ZHX2: variants seen among roughly 807,000 people sequenced by gnomAD.
ZHX2 encodes zinc fingers and homeoboxes 2.
ZHX2 carries 6 observed loss-of-function variants against 21.9 expected under a neutral mutation model. That is an observed-to-expected ratio of 0.27 (90% CI 0.15 to 0.54). ZHX2 has a LOEUF of 0.54. Among genes scored for constraint, ZHX2 ranks in the 20% least tolerant of loss-of-function variants. ZHX2 has a pLI of 0.95. For missense variants in ZHX2, 908 were observed against 1,090.7 expected, an observed-to-expected ratio of 0.83 and a Z score of 2.36; for synonymous variants, 434 against 437.1, an observed-to-expected ratio of 0.99 and a Z score of 0.09.
intron 2 of ZHX2, among the ~76,000 whole-genome samples, chr8:122,917,876 C>A (rs1339488106): frequency 6.6e-6 from 1 of 152,194 alleles, no homozygotes; most frequent in African/African-American, 2.4e-5. Context: ...GCAGACATCA[C>A]CAGTCAATCA....
chr8:122,822,330 T>C (rs1386205309), intron 1 of ZHX2, among the ~76,000 whole-genome samples: 1 of 151,862 alleles, frequency 6.6e-6, no homozygotes, highest in Non-Finnish European at 1.5e-5. Context: ...ATCCCAGAGG[T>C]TGGAACCAAA....
chr8:122,912,695 G>T (rs1820511334), intron 2 of ZHX2, among the ~76,000 whole-genome samples: 1 of 152,138 alleles, frequency 6.6e-6, no homozygotes, highest in South Asian at 2.1e-4. Flanking sequence ...GAGGCTTAAA[G>T]AACCTAAGTG....
intron 1 of ZHX2, among the ~76,000 whole-genome samples, chr8:122,812,452 T>C (rs1563738769): frequency 6.6e-6 from 1 of 152,026 alleles, no homozygotes; most frequent in Non-Finnish European, 1.5e-5. Flanking sequence ...ATACCCAGAG[T>C]AGGGAAGCAA....
At chr8:122,946,039 C>T (rs1037429866) in intron 2 of ZHX2, among the ~76,000 whole-genome samples, 5 of 152,194 alleles carry the variant, frequency 3.3e-5, no homozygotes, top group Non-Finnish European at 7.3e-5. Context: ...GCAAGAACCA[C>T]GACTTGCAAC....
At chr8:122,850,639 CAAAAAA>C (rs60682747) in intron 1 of ZHX2, among the ~76,000 whole-genome samples, 1 of 114,184 alleles carries the variant, frequency 8.8e-6, no homozygotes, top group East Asian at 2.6e-4. Context: ...GACTCTGTCT[CAAAAAA>C]AAAAAAAAAA....
intron 3 of ZHX2, among the ~76,000 whole-genome samples, chr8:122,972,900 C>T (rs544412460): frequency 2.6e-5 from 4 of 152,304 alleles, no homozygotes; most frequent in African/African-American, 7.2e-5. Context: ...TTAGGAGCCA[C>T]TGGGACTGGT....
chr8:122,972,304 G>A (rs897122945), intron 3 of ZHX2, among the ~76,000 whole-genome samples: 2 of 152,114 alleles, frequency 1.3e-5, no homozygotes, highest in Non-Finnish European at 2.9e-5. Context: ...TATACTTTTG[G>A]GGGGACACCA....
chr8:122,887,729 G>GT (rs1227347546), intron 2 of ZHX2, among the ~76,000 whole-genome samples: 1 of 152,178 alleles, frequency 6.6e-6, no homozygotes, highest in Non-Finnish European at 1.5e-5. Flanking sequence ...GCAAGGAGCC[G>GT]TGTGGCCTGG....
intron 2 of ZHX2, among the ~76,000 whole-genome samples, chr8:122,870,481 A>T (rs974193492): frequency 1.1e-4 from 16 of 147,312 alleles, no homozygotes; most frequent in Non-Finnish European, 2.0e-4. Context: ...AATTAAAAAT[A>T]AAAAAAAAAT....
chr8:122,868,949 GC>G (rs1284319778), intron 2 of ZHX2, among the ~76,000 whole-genome samples: 1 of 152,186 alleles, frequency 6.6e-6, no homozygotes, highest in Admixed American at 6.5e-5. Context: ...GATCACAGAA[GC>G]CGAGACTCAT....
chr8:122,838,888 T>A (rs1057019445), intron 1 of ZHX2, among the ~76,000 whole-genome samples: 1 of 152,168 alleles, frequency 6.6e-6, no homozygotes, highest in African/African-American at 2.4e-5. Flanking sequence ...GTGATTTTTT[T>A]AAAGTGGTAA....
At chr8:122,870,447 A>G (rs979237319) in intron 2 of ZHX2, among the ~76,000 whole-genome samples, 3 of 151,694 alleles carry the variant, frequency 2.0e-5, no homozygotes, top group African/African-American at 7.3e-5. Flanking sequence ...CTGGCCAACA[A>G]GGTGAAACCC....
intron 2 of ZHX2, among the ~76,000 whole-genome samples, chr8:122,942,991 G>A (rs1164865062): frequency 6.6e-6 from 1 of 152,170 alleles, no homozygotes; most frequent in African/African-American, 2.4e-5. Flanking sequence ...GCCAGGCACG[G>A]TGGCTCATGC....
chr8:122,858,216 AC>A (rs1392691035), intron 1 of ZHX2, among the ~76,000 whole-genome samples: 1 of 152,086 alleles, frequency 6.6e-6, no homozygotes, highest in Non-Finnish European at 1.5e-5. Context: ...GGCTGCACTC[AC>A]GCCTCTCCCT....
chr8:122,833,910 T>G, intron 1 of ZHX2, among the ~76,000 whole-genome samples: 1 of 150,794 alleles, frequency 6.6e-6, no homozygotes. Flanking sequence ...GGCAGGAGAA[T>G]GGCGTGAACC....
chr8:122,970,358 C>G (rs528302405), intron 3 of ZHX2, among the ~76,000 whole-genome samples: 2 of 152,324 alleles, frequency 1.3e-5, no homozygotes, highest in Admixed American at 1.3e-4. Context: ...TGACAAATGC[C>G]TGTTGAGTAT....
At chr8:122,793,468 A>G (rs1563732253) in intron 1 of ZHX2, among the ~76,000 whole-genome samples, 1 of 152,180 alleles carries the variant, frequency 6.6e-6, no homozygotes, top group Non-Finnish European at 1.5e-5. Flanking sequence ...CCAAAGCCAG[A>G]GTGCATTGCC....
At chr8:122,955,541 A>C (rs1586423578) in intron 3 of ZHX2, among the ~76,000 whole-genome samples, 2 of 152,046 alleles carry the variant, frequency 1.3e-5, no homozygotes, top group African/African-American at 2.4e-5. Context: ...TTCTCTAGAA[A>C]CCTTGTTTTA....
chr8:122,894,773 G>A (rs1820058474), intron 2 of ZHX2, among the ~76,000 whole-genome samples: 1 of 152,062 alleles, frequency 6.6e-6, no homozygotes, highest in African/African-American at 2.4e-5. Context: ...TTGTGCACAT[G>A]TACCCTAAAA....
Sources: allele counts gnomAD v4.1 joint callset (sites outside exome capture counted in the v4.1 genomes callset), GRCh38; gene constraint gnomAD v4.1.1; transcripts MANE v1.5; gene names NCBI Gene and HGNC (gene_info 2026-07-23, HGNC 2026-07-21).